SNX14: variants seen among roughly 807,000 people sequenced by gnomAD.
SNX14 encodes the protein sorting nexin 14.
SNX14 carries 93 observed loss-of-function variants against 133.8 expected under a neutral mutation model. That is an observed-to-expected ratio of 0.70 (90% CI 0.59 to 0.83). The LOEUF is 0.83. SNX14 is among the 40% of genes least tolerant of loss of function. SNX14 has a pLI of 0.00. For missense variants in SNX14, 945 were observed against 1,094.9 expected (o/e 0.86, Z 1.93); for synonymous variants, 368 against 365.6 (o/e 1.01, Z -0.07).
intron 2 of SNX14, among the ~76,000 whole-genome samples, chr6:85,572,816 A>G (rs2128196276): frequency 6.6e-6 from 1 of 152,220 alleles, no homozygotes; most frequent in South Asian, 2.1e-4. Flanking sequence ...AAAATTAGAC[A>G]GGTGTGGTGG....
intron 1 of SNX14, among the ~76,000 whole-genome samples, chr6:85,584,219 C>T (rs1164511570): frequency 1.3e-5 from 2 of 152,148 alleles, no homozygotes; most frequent in African/African-American, 4.8e-5. Flanking sequence ...AAACTGGACC[C>T]CCTCCTTACA....
rs548852808 is a variant in SNX14, at chr6:85,533,560, T to A, written c.1810+39A>T. On this transcript the variant is annotated intron_variant, in intron 18 of 28. Transcript: ENST00000314673. The stretch of plus-strand genomic sequence containing the variant: ...TACCTGATAACAACAGACTCATTCA[T>A]GGGCATCTTTTAAGAAAGGTGCTCA... The A allele has an allele frequency of 3.2e-6, 5 of 1,586,344 alleles. No homozygotes were observed. The South Asian group carries it at 4.5e-5, about 14-fold the overall frequency.
At position 85,526,201 on chromosome 6, in the gene SNX14, G is replaced by A; in HGVS notation, c.2032C>T (p.Leu678Phe). The stretch of plus-strand genomic sequence containing the variant: ...TTAGGGGAAAGAAAGTCTGCCAGAA[G>A]TTGACTATTACTCAGTTCTGGATGC... ...LQHPELSNSQ[L>F]LADFLSPNGG... is the part of the protein sequence containing the mutation. The change falls in exon 21 of 29, where the codon CTT becomes TTT. Residue 678 changes from leucine to phenylalanine, a missense_variant. By Grantham distance (22) the Leu-to-Phe change is conservative (BLOSUM62 0). Transcript: ENST00000314673. 6.2e-7 allele frequency: 1 copy of A among 1,607,736 alleles called. No individual in the cohort carries two copies.
intron 18 of SNX14, among the ~76,000 whole-genome samples, chr6:85,530,628 G>A (rs1370166158): frequency 6.8e-6 from 1 of 147,122 alleles, no homozygotes; most frequent in East Asian, 2.0e-4. Flanking sequence ...CTGGGCAACA[G>A]AGCGAGACTC....
chr6:85,586,777 G>A (rs1801002078), intron 1 of SNX14, among the ~76,000 whole-genome samples: 2 of 151,728 alleles, frequency 1.3e-5, no homozygotes, highest in Admixed American at 6.6e-5. Context: ...CTGGCCAGGT[G>A]CATAATTTCA....
intron 23 of SNX14, among the ~76,000 whole-genome samples, chr6:85,517,257 T>C (rs1313576846): frequency 1.3e-5 from 2 of 152,184 alleles, no homozygotes; most frequent in Non-Finnish European, 2.9e-5. Context: ...TGAGCTTCCA[T>C]AGCTCCCCAT....
chr6:85,562,582 CTTTTTTTTTT>C (rs201175458), intron 6 of SNX14, among the ~76,000 whole-genome samples: 11 of 94,844 alleles, frequency 1.2e-4, no homozygotes, highest in Non-Finnish European at 1.6e-4. Context: ...ACTTTTTGGG[CTTTTTTTTTT>C]TTTTTTTTTT....
At chr6:85,518,110 G>T in intron 21 of SNX14, 62 bp from the exon 22 acceptor site, 1 of 1,319,890 alleles carries the variant, frequency 7.6e-7, no homozygotes, top group South Asian at 1.3e-5. Flanking sequence ...TTGCTCACAT[G>T]AATACTTAAC....
chr6:85,571,818 G>T (rs1268673980), intron 4 of SNX14, among the ~76,000 whole-genome samples: 2 of 152,140 alleles, frequency 1.3e-5, no homozygotes, highest in Non-Finnish European at 2.9e-5. Flanking sequence ...TTTGCTCCTT[G>T]CAGTCCAGGG....
intron 4 of SNX14, among the ~76,000 whole-genome samples, chr6:85,569,152 G>A (rs1794819508): frequency 6.6e-6 from 1 of 152,056 alleles, no homozygotes; most frequent in African/African-American, 2.4e-5. Context: ...ACTAGAGATG[G>A]GGTTTCTCCA....
chr6:85,576,518 G>A (rs905563574), intron 1 of SNX14, among the ~76,000 whole-genome samples: 17 of 148,182 alleles, frequency 1.1e-4, no homozygotes, highest in African/African-American at 4.2e-4. Flanking sequence ...TGCACGAACT[G>A]ACAGAGTAAA....
At position 85,574,136 on chromosome 6, in the gene SNX14, A is replaced by C. The variant is rs1796566887; in HGVS notation, c.261+122T>G. On this transcript the variant is annotated intron_variant, in intron 2 of 28. Transcript: ENST00000314673. ...AAAAAAAACAAAAAAAAAAAAGAGA[A>C]GAAATTGAAAGAAAACAAATTTTGT... The C allele has an allele frequency of 5.5e-6, 4 of 730,078 alleles. No individual in the cohort carries two copies. In the South Asian group the frequency reaches 2.1e-4, roughly 39 times the overall value. 45.2% of individuals were successfully genotyped at this position (730,078 alleles called of 1,614,324 possible). A position where few individuals can be genotyped will look rare whatever the true frequency, so the allele number is the denominator to read the frequency against.
chr6:85,506,595 C>T (rs562424710), intron 28 of SNX14, among the ~76,000 whole-genome samples: 3 of 152,140 alleles, frequency 2.0e-5, no homozygotes, highest in East Asian at 1.9e-4. Context: ...GGATTACAGG[C>T]GTGAGCCACC....
intron 4 of SNX14, among the ~76,000 whole-genome samples, chr6:85,568,966 CTT>C (rs369775673): frequency 2.0e-5 from 3 of 147,486 alleles, no homozygotes; most frequent in Non-Finnish European, 3.0e-5. Context: ...CTTTTCTTTT[CTT>C]TTTTTTTTTT....
At chr6:85,544,733 T>A (rs534375902) in intron 12 of SNX14, among the ~76,000 whole-genome samples, 1 of 152,286 alleles carries the variant, frequency 6.6e-6, no homozygotes, top group Non-Finnish European at 1.5e-5. Context: ...TGAGGCTGTA[T>A]TTCGTGAGCC....
At chr6:85,518,372 T>C (rs1408657584) in intron 21 of SNX14, among the ~76,000 whole-genome samples, 1 of 152,176 alleles carries the variant, frequency 6.6e-6, no homozygotes, top group Non-Finnish European at 1.5e-5. Flanking sequence ...AAAATTTCTA[T>C]AAGAAATATT....
In SNX14 at chr6:85,543,684, C is replaced by G. The variant is rs777861778; in HGVS notation, c.1185G>C (p.Lys395Asn). The G allele has an allele frequency of 1.9e-6, 3 of 1,589,814 alleles. No individual in the cohort carries two copies. The highest frequency in any genetic ancestry group is 2.6e-6 in the Non-Finnish European group (3 of 1,166,332). Reference protein sequence around the residue: ...EMLSLHEELQKIYKTYCLDES... With the variant: ...EMLSLHEELQNIYKTYCLDES... ...CATCCAAACAGTATGTTTTATAAAT[C>G]TTCTGCAATTCTTCATGAAGAGACA... is the stretch of plus-strand genomic sequence containing the variant. Residue 395 changes from lysine to asparagine, a missense_variant, in exon 13 of 29, where the codon AAG becomes AAC. Physicochemically the swap from Lys to Asn is moderately conservative, Grantham distance 94 (BLOSUM62 0). Transcript: ENST00000314673.
chr6:85,555,710 C>T (rs1466403009), intron 7 of SNX14, among the ~76,000 whole-genome samples: 1 of 152,144 alleles, frequency 6.6e-6, no homozygotes, highest in East Asian at 1.9e-4. Flanking sequence ...CCTAACGAGG[C>T]CAGGCACGGT....
At position 85,515,284 on chromosome 6, in the gene SNX14, A is replaced by C. The variant is rs1269278646; in HGVS notation, c.2269-655T>G. On this transcript the variant is annotated intron_variant, in intron 23 of 28. Coordinates refer to ENST00000314673, the MANE Select transcript of SNX14 (RefSeq NM_153816.6). ...CGTCAAAAAAAAAAAAAAAAAAAAA[A>C]AAACACTAACATGATTTAAAGATTA... is the stretch of plus-strand genomic sequence containing the variant. Among the ~76,000 whole-genome samples, 4 of 149,980 alleles carry C rather than the reference A, an allele frequency of 2.7e-5. No individual in the cohort carries two copies. The East Asian group carries it at 5.9e-4, about 22-fold the overall frequency.
Sources: allele counts gnomAD v4.1 joint callset (sites outside exome capture counted in the v4.1 genomes callset), GRCh38; gene constraint gnomAD v4.1.1; transcripts MANE v1.5; gene names NCBI Gene and HGNC (gene_info 2026-07-23, HGNC 2026-07-21).